Variants in PDE11A observed in about 807,000 individuals in gnomAD.
PDE11A encodes phosphodiesterase 11A, also known as dual 3',5'-cyclic-AMP and -GMP phosphodiesterase 11A.
In PDE11A, 100 loss-of-function variants were observed where a neutral mutation model predicts 100.5. The ratio of observed to expected loss-of-function variants is 1.00; its 90% CI spans 0.85 to 1.18. The LOEUF is 1.18. Among genes scored for constraint, PDE11A ranks in the 50% most tolerant of loss-of-function variants. PDE11A has a pLI of 0.00. For synonymous variants in PDE11A, 381 were observed against 420.8 expected (o/e 0.91, Z 1.16); for missense variants, 1,141 against 1,152.6 (o/e 0.99, Z 0.15).
At chr2:177,823,594 G>C (rs2083179331) in intron 6 of PDE11A, among the ~76,000 whole-genome samples, 1 of 152,102 alleles carries the variant, frequency 6.6e-6, no homozygotes, top group Non-Finnish European at 1.5e-5. Context: ...GAGAGAGACT[G>C]GCTCAAAGGA....
intron 5 of PDE11A, among the ~76,000 whole-genome samples, chr2:177,858,401 GA>G (rs202199119): frequency 0.21 from 29,341 of 140,354 alleles, 2,908 homozygotes; most frequent in Middle Eastern, 0.26. Flanking sequence ...AAATTTACAA[GA>G]AAAAAAAAAA....
At chr2:177,696,819 C>T (rs1342962708) in intron 15 of PDE11A, among the ~76,000 whole-genome samples, 1 of 152,060 alleles carries the variant, frequency 6.6e-6, no homozygotes, top group East Asian at 1.9e-4. Context: ...CCTGATAGAG[C>T]AGGTCCCACT....
chr2:177,734,121 CA>C (rs962180426), intron 10 of PDE11A, among the ~76,000 whole-genome samples: 57 of 152,176 alleles, frequency 3.7e-4, no homozygotes, highest in Admixed American at 3.5e-3. Context: ...ACTAGCTTTT[CA>C]ATCCGTTTTT....
intron 19 of PDE11A, among the ~76,000 whole-genome samples, chr2:177,662,474 G>A: frequency 6.6e-6 from 1 of 152,170 alleles, no homozygotes; most frequent in Non-Finnish European, 1.5e-5. Context: ...AATTCAACAT[G>A]TATAGTCAAG....
chr2:177,632,762 T>C (rs961786877), intron 19 of PDE11A, among the ~76,000 whole-genome samples: 1 of 152,196 alleles, frequency 6.6e-6, no homozygotes, highest in African/African-American at 2.4e-5. Context: ...GGATGCCTAC[T>C]AACTGTACCG....
chr2:177,729,903 C>T (rs2081656445), intron 10 of PDE11A, among the ~76,000 whole-genome samples: 1 of 151,328 alleles, frequency 6.6e-6, no homozygotes, highest in Non-Finnish European at 1.5e-5. Flanking sequence ...TTGTAGTTAC[C>T]ATGAGGCTTA....
chr2:177,907,154 G>T (rs1259469264), intron 2 of PDE11A, among the ~76,000 whole-genome samples: 1 of 151,694 alleles, frequency 6.6e-6, no homozygotes, highest in Non-Finnish European at 1.5e-5. Context: ...AAATTAAAAA[G>T]AATCTGAATT....
Position 178,005,821 on chromosome 2 carries a change from T to C in PDE11A, c.1071+8481A>G, listed in dbSNP as rs531460910. ...AGCCCTATAACTTACTAAGTTCATTTATTTTTCATGTTCCTGATAACTGCA... is the reference window on the plus strand; with the variant it reads ...AGCCCTATAACTTACTAAGTTCATTCATTTTTCATGTTCCTGATAACTGCA... On this transcript the variant is annotated intron_variant, in intron 2 of 19. Coordinates refer to ENST00000286063, the MANE Select transcript of PDE11A (RefSeq NM_016953.4). 7.9e-5 allele frequency among the ~76,000 whole-genome samples: 12 copies of C among 152,360 alleles called. 1 individual carries two copies. The South Asian group carries it at 1.9e-3, about 24-fold the overall frequency.
At chr2:177,653,795 C>T (rs182456425) in intron 19 of PDE11A, among the ~76,000 whole-genome samples, 9 of 152,316 alleles carry the variant, frequency 5.9e-5, no homozygotes, top group Admixed American at 5.2e-4. Flanking sequence ...TGAGCAAATA[C>T]ATTTCTGTTA....
At chr2:177,730,000 A>C (rs115521375) in intron 10 of PDE11A, among the ~76,000 whole-genome samples, 3,034 of 152,300 alleles carry the variant, frequency 0.02, 43 homozygotes, top group South Asian at 0.033. Context: ...TTGCAAAAAA[A>C]GAAACAGAGG....
At chr2:178,105,822 GC>G in intron 1 of PDE11A, 1 of 611,664 alleles carries the variant, frequency 1.6e-6, no homozygotes, top group Non-Finnish European at 2.3e-6. Flanking sequence ...TGGGACCTTG[GC>G]CAGATTTCTG....
intron 17 of PDE11A, among the ~76,000 whole-genome samples, chr2:177,671,777 G>A (rs543138719): frequency 1.3e-5 from 2 of 152,034 alleles, no homozygotes; most frequent in African/African-American, 4.8e-5. Context: ...ACTAGTGACC[G>A]AGAAGACCAC....
At position 177,623,766 on chromosome 2, in the gene PDE11A, A is replaced by G. The variant is rs1161789679; in HGVS notation, c.*5641T>C. On this transcript the variant is annotated 3_prime_UTR_variant, in exon 20 of 20. Coordinates refer to ENST00000286063, the MANE Select transcript of PDE11A (RefSeq NM_016953.4). ...AAAAAACACATTTGTGTACTAGCGT[A>G]TACAAAAATGACATTGGTGTAGTTA... is the stretch of plus-strand genomic sequence containing the variant. 3 of 36,214 alleles carry G rather than the reference A, an allele frequency of 8.3e-5. No individual in the cohort carries two copies. The highest frequency in any genetic ancestry group is 1.8e-4 in the African/African-American group (2 of 11,196). The allele number at this position is 36,214 out of a possible 1,614,324, so 2.2% of individuals were successfully genotyped here.
chr2:177,633,411 T>A (rs757931223), intron 19 of PDE11A, among the ~76,000 whole-genome samples: 5 of 152,102 alleles, frequency 3.3e-5, no homozygotes, highest in Non-Finnish European at 7.3e-5. Flanking sequence ...AATCCTCTGC[T>A]CCAGGGAGTT....
intron 9 of PDE11A, among the ~76,000 whole-genome samples, chr2:177,802,513 T>C (rs1182942799): frequency 6.6e-6 from 1 of 152,090 alleles, no homozygotes; most frequent in Non-Finnish European, 1.5e-5. Flanking sequence ...AAAATGTTAC[T>C]TAGCAATTAA....
intron 10 of PDE11A, among the ~76,000 whole-genome samples, chr2:177,759,370 T>C (rs2082139654): frequency 6.6e-6 from 1 of 152,212 alleles, no homozygotes; most frequent in Admixed American, 6.5e-5. Context: ...GGAAATATTA[T>C]AAAAAATGCA....
At chr2:177,700,133 C>T (rs2081175169) in intron 14 of PDE11A, among the ~76,000 whole-genome samples, 1 of 152,120 alleles carries the variant, frequency 6.6e-6, no homozygotes, top group South Asian at 2.1e-4. Context: ...TGTTTAATTC[C>T]CAACTGAAAA....
chr2:177,731,555 C>G (rs1488233294), intron 10 of PDE11A, among the ~76,000 whole-genome samples: 1 of 152,180 alleles, frequency 6.6e-6, no homozygotes, highest in Non-Finnish European at 1.5e-5. Context: ...CCACCCTCAC[C>G]CTCTGCACTG....
At chr2:177,906,659 T>C (rs75070173) in intron 2 of PDE11A, among the ~76,000 whole-genome samples, 1,734 of 152,306 alleles carry the variant, frequency 0.011, 27 homozygotes, top group East Asian at 0.075. Context: ...TTTTCACATG[T>C]TGCCTTCTGG....
Sources: allele counts gnomAD v4.1 joint callset (sites outside exome capture counted in the v4.1 genomes callset), GRCh38; gene constraint gnomAD v4.1.1; transcripts MANE v1.5; gene names NCBI Gene and HGNC (gene_info 2026-07-23, HGNC 2026-07-21).